Variants in PLCB1 observed in about 807,000 individuals in gnomAD.
PLCB1 encodes the protein phospholipase C beta 1.
Under a neutral mutation model 161.8 loss-of-function variants are expected in PLCB1, and 46 were observed. The ratio of observed to expected loss-of-function variants is 0.28; its 90% CI spans 0.22 to 0.36. PLCB1 has a LOEUF of 0.36. Ranked by LOEUF, PLCB1 falls within the 10% of genes least tolerant of loss-of-function variation. PLCB1 has a pLI of 1.00. For missense variants in PLCB1, 1,016 were observed against 1,472.5 expected (o/e 0.69, Z 5.07); for synonymous variants, 517 against 503.7 (o/e 1.03, Z -0.35).
At chr20:8,335,523 C>G (rs1391222981) in intron 2 of PLCB1, among the ~76,000 whole-genome samples, 4 of 152,070 alleles carry the variant, frequency 2.6e-5, no homozygotes. Context: ...GAACTTGATT[C>G]ATGTTTCATG....
chr20:8,734,798 A>AT (rs1980495231), intron 19 of PLCB1, among the ~76,000 whole-genome samples: 4 of 151,042 alleles, frequency 2.6e-5, no homozygotes, highest in Admixed American at 2.6e-4. Flanking sequence ...GAACTAAGAA[A>AT]TTTTTTTACT....
At chr20:8,613,278 A>G (rs1319616337) in intron 3 of PLCB1, among the ~76,000 whole-genome samples, 1 of 152,194 alleles carries the variant, frequency 6.6e-6, no homozygotes, top group Non-Finnish European at 1.5e-5. Flanking sequence ...GACCACAACT[A>G]TCAATTATGA....
intron 9 of PLCB1, among the ~76,000 whole-genome samples, chr20:8,668,408 G>T (rs1039534303): frequency 1.3e-5 from 2 of 152,134 alleles, no homozygotes; most frequent in Non-Finnish European, 2.9e-5. Context: ...AGAGTTAATT[G>T]AGAATGATGG....
rs181145201 is a variant in PLCB1, at chr20:8,186,748, G to T, written c.177+36377G>T. 3.1e-3 allele frequency among the ~76,000 whole-genome samples: 468 copies of T among 152,240 alleles called. 3 individuals carry two copies. The highest frequency in any genetic ancestry group is 5.2e-3 in the South Asian group (25 of 4,826). ...CGAGTGAAAAAAGGGAGGCAGCTGG[G>T]GGCAGCTGACAGAGCCCTCAGACTG... On this transcript the variant is annotated intron_variant, in intron 2 of 31. Transcript: ENST00000338037.
chr20:8,874,503 A>G (rs1987712805), intron 31 of PLCB1, among the ~76,000 whole-genome samples: 2 of 152,056 alleles, frequency 1.3e-5, no homozygotes, highest in African/African-American at 4.8e-5. Context: ...ACAGGTCATA[A>G]TATTGAAACT....
chr20:8,354,189 A>G (rs1986286233), intron 2 of PLCB1, among the ~76,000 whole-genome samples: 1 of 152,150 alleles, frequency 6.6e-6, no homozygotes, highest in Non-Finnish European at 1.5e-5. Flanking sequence ...ATGTGAATGT[A>G]CCTAATGCCA....
intron 2 of PLCB1, among the ~76,000 whole-genome samples, chr20:8,221,783 A>C (rs1979424422): frequency 6.6e-6 from 1 of 152,000 alleles, no homozygotes; most frequent in African/African-American, 2.4e-5. Context: ...GCTAAAATTT[A>C]CACAGAGTTT....
At chr20:8,358,335 G>A (rs1218038510) in intron 2 of PLCB1, among the ~76,000 whole-genome samples, 3 of 152,016 alleles carry the variant, frequency 2.0e-5, no homozygotes, top group East Asian at 3.9e-4. Context: ...TGCAACCTCC[G>A]CCTCCCGGGT....
chr20:8,264,849 T>C (rs1600272654), intron 2 of PLCB1, among the ~76,000 whole-genome samples: 1 of 152,176 alleles, frequency 6.6e-6, no homozygotes, highest in African/African-American at 2.4e-5. Flanking sequence ...ATGACAGATA[T>C]GAAGTTTCAT....
Position 8,881,879 on chromosome 20 carries a change from T to A in PLCB1, c.*30T>A, listed in dbSNP as rs768688721. The A allele has an allele frequency of 7.1e-7, 1 of 1,408,828 alleles. No homozygotes were observed. Among genetic ancestry groups the A allele is most frequent in the Non-Finnish European group, 1.0e-6 (1 of 993,514 alleles). The allele number at this position is 1,408,828 out of a possible 1,614,324, so 87.3% of individuals were successfully genotyped here. On this transcript the variant is annotated 3_prime_UTR_variant, in exon 32 of 32. Transcript: ENST00000338037. ...TCCTGCCAGGCCTTCAGAAATTGCATGGCCACTCCAGCGTCATCGGACTCT... is the reference window on the plus strand; with the variant it reads ...TCCTGCCAGGCCTTCAGAAATTGCAAGGCCACTCCAGCGTCATCGGACTCT...
intron 3 of PLCB1, among the ~76,000 whole-genome samples, chr20:8,579,446 G>T (rs995133691): frequency 6.6e-6 from 1 of 152,166 alleles, no homozygotes; most frequent in Non-Finnish European, 1.5e-5. Flanking sequence ...CCATACAAGC[G>T]TAAGCTAAAC....
Position 8,152,083 on chromosome 20 carries a change from A to C in PLCB1, c.177+1712A>C, listed in dbSNP as rs181152786. 1.9e-3 allele frequency among the ~76,000 whole-genome samples: 291 copies of C among 152,304 alleles called. 5 individuals are homozygous for C. Among genetic ancestry groups the C allele is most frequent in the African/African-American group, 6.8e-3 (282 of 41,578 alleles). On this transcript the variant is annotated intron_variant, in intron 2 of 31. Transcript: ENST00000338037. ...TTGCAATGCTGTTTATGACCAAGCGAAACAGATAATGTGGTAGCAATTCCT... is the reference window on the plus strand; with the variant it reads ...TTGCAATGCTGTTTATGACCAAGCGCAACAGATAATGTGGTAGCAATTCCT...
In PLCB1 at chr20:8,628,348, C is replaced by T. The variant is rs868772684; in HGVS notation, c.301C>T (p.Arg101Cys). The T allele has an allele frequency of 1.2e-5, 20 of 1,613,744 alleles. No homozygotes were observed. Among genetic ancestry groups the T allele is most frequent in the East Asian group, 2.2e-5 (1 of 44,866 alleles). Residue 101 changes from arginine to cysteine, a missense_variant, in exon 4 of 32, where the codon CGC becomes TGC. By Grantham distance (180) the Arg-to-Cys change is radical. Transcript: ENST00000338037. Reference protein sequence around the residue: ...DVGNIGRLEQRMITVVYGPDL... With the variant: ...DVGNIGRLEQCMITVVYGPDL... ...GGGGAACATCGGGCGCCTGGAGCAGCGCATGATCACAGTGGTGTATGGGCC... is the reference window on the plus strand; with the variant it reads ...GGGGAACATCGGGCGCCTGGAGCAGTGCATGATCACAGTGGTGTATGGGCC...
intron 2 of PLCB1, among the ~76,000 whole-genome samples, chr20:8,332,535 C>T (rs1985404413): frequency 6.6e-6 from 1 of 152,216 alleles, no homozygotes; most frequent in Non-Finnish European, 1.5e-5. Flanking sequence ...CTCATTTAAA[C>T]TTCATGACCA....
At chr20:8,600,327 C>G (rs1207001581) in intron 3 of PLCB1, among the ~76,000 whole-genome samples, 1 of 98,052 alleles carries the variant, frequency 1.0e-5, no homozygotes, top group East Asian at 2.8e-4. Context: ...CAGACAGGAC[C>G]CTCAGCTACA....
intron 3 of PLCB1, among the ~76,000 whole-genome samples, chr20:8,576,441 T>C (rs900965726): frequency 2.5e-4 from 37 of 148,988 alleles, no homozygotes; most frequent in African/African-American, 8.5e-4. Context: ...TAAGAATCTG[T>C]CTCCTGTTCA....
intron 2 of PLCB1, among the ~76,000 whole-genome samples, chr20:8,311,343 A>T (rs996626822): frequency 4.2e-4 from 64 of 152,384 alleles, no homozygotes; most frequent in African/African-American, 1.5e-3. Context: ...AGAAATCATG[A>T]ATAGATATGT....
intron 9 of PLCB1, among the ~76,000 whole-genome samples, chr20:8,677,597 C>T (rs1372298212): frequency 6.6e-6 from 1 of 151,922 alleles, no homozygotes; most frequent in African/African-American, 2.4e-5. Context: ...AAACGGGGAC[C>T]AAAAGTGCTA....
intron 13 of PLCB1, 88 bp downstream of exon 13, chr20:8,716,436 A>G: frequency 3.1e-6 from 3 of 957,352 alleles, no homozygotes; most frequent in Non-Finnish European, 5.0e-6. Context: ...TTTCATATTT[A>G]TGTTTCTTGG....
Sources: gnomAD v4.1 joint callset for allele counts (sites outside exome capture counted in the v4.1 genomes callset) on GRCh38, gnomAD v4.1.1 for gene constraint, MANE v1.5 for transcripts, NCBI Gene and HGNC (gene_info 2026-07-23, HGNC 2026-07-21) for gene names.